Variants in FAM193A observed in about 807,000 individuals in gnomAD.
FAM193A encodes the protein family with sequence similarity 193 member A, also known as protein FAM193A.
Under a neutral mutation model 126.5 loss-of-function variants are expected in FAM193A, and 22 were observed. The observed-to-expected ratio is 0.17, with a 90% CI of 0.12 to 0.25. FAM193A has a LOEUF of 0.25. Ranked by LOEUF, FAM193A falls within the 10% of genes least tolerant of loss-of-function variation. The pLI, the probability that FAM193A is intolerant of heterozygous loss-of-function variation, is 1.00. For missense variants in FAM193A, 1,675 were observed against 1,672.8 expected, an observed-to-expected ratio of 1.00 and a Z score of -0.02; for synonymous variants, 761 against 646.8, an observed-to-expected ratio of 1.18 and a Z score of -2.68.
intron 2 of FAM193A, among the ~76,000 whole-genome samples, chr4:2,622,812 A>G (rs1424181480): frequency 6.6e-6 from 1 of 152,070 alleles, no homozygotes; most frequent in Non-Finnish European, 1.5e-5. Flanking sequence ...CTCCGACCTC[A>G]TGACCTAATC....
At chr4:2,638,053 A>G (rs890611149) in intron 5 of FAM193A, among the ~76,000 whole-genome samples, 2 of 152,230 alleles carry the variant, frequency 1.3e-5, no homozygotes, top group African/African-American at 2.4e-5. Context: ...GATTCCACTC[A>G]TAGACAGGCA....
chr4:2,726,520 C>A (rs1720765306), intron 20 of FAM193A, among the ~76,000 whole-genome samples: 1 of 152,114 alleles, frequency 6.6e-6, no homozygotes, highest in South Asian at 2.1e-4. Context: ...GGTCCCGGTA[C>A]TGGCAGTTTG....
rs184976120 is a variant in FAM193A at position 2,540,541 on chromosome 4, C to T, written c.255+3371C>T. ...GGGCGCCCTGTAGTCCCAGCTACTC[C>T]GGAGGCTGAGGCAGGAGAATGGCAT... On this transcript the variant is annotated intron_variant, in intron 1 of 20. Coordinates refer to ENST00000637812, the MANE Select transcript of FAM193A (RefSeq NM_001366318.2). Among the ~76,000 whole-genome samples the T allele has an allele frequency of 7.9e-5, 12 of 151,652 alleles. No homozygotes were observed. In the South Asian group the frequency reaches 8.4e-4, roughly 11 times the overall value.
At chr4:2,713,336 G>A (rs532333370) in intron 19 of FAM193A, among the ~76,000 whole-genome samples, 1 of 152,122 alleles carries the variant, frequency 6.6e-6, no homozygotes, top group African/African-American at 2.4e-5. Flanking sequence ...AACCCAGGAG[G>A]TGGAGGTTGC....
At chr4:2,539,329 T>C (rs1004030678) in intron 1 of FAM193A, among the ~76,000 whole-genome samples, 1 of 152,296 alleles carries the variant, frequency 6.6e-6, no homozygotes, top group Admixed American at 6.5e-5. Context: ...TTAGTTTTAC[T>C]AATTACTAAG....
intron 1 of FAM193A, among the ~76,000 whole-genome samples, chr4:2,568,727 T>A (rs1022279798): frequency 3.9e-5 from 6 of 151,972 alleles, no homozygotes; most frequent in Non-Finnish European, 8.8e-5. Context: ...AAAGGAGGAG[T>A]GATTATTTGG....
chr4:2,651,597 A>G (rs968437257), intron 7 of FAM193A, among the ~76,000 whole-genome samples: 12 of 152,120 alleles, frequency 7.9e-5, no homozygotes, highest in Non-Finnish European at 1.3e-4. Context: ...CCATGATCCC[A>G]TCACCTCCCA....
intron 8 of FAM193A, among the ~76,000 whole-genome samples, chr4:2,658,398 C>G (rs1711973361): frequency 6.6e-6 from 1 of 152,134 alleles, no homozygotes; most frequent in Non-Finnish European, 1.5e-5. Flanking sequence ...CTCCTCCAGG[C>G]AGGCTTGTGC....
chr4:2,650,554 G>T (rs1360400866), intron 7 of FAM193A, among the ~76,000 whole-genome samples: 2 of 152,200 alleles, frequency 1.3e-5, no homozygotes, highest in East Asian at 3.9e-4. Context: ...GGAGCTCAGG[G>T]CTCTGAAGCC....
chr4:2,659,740 AC>A, intron 9 of FAM193A, 70 bp downstream of exon 9: 1 of 1,613,346 alleles, frequency 6.2e-7, no homozygotes, highest in African/African-American at 1.3e-5. Flanking sequence ...GAGGCCTAGA[AC>A]CGACCCTTAG....
chr4:2,569,066 T>C (rs1312964179), intron 1 of FAM193A, among the ~76,000 whole-genome samples: 9 of 142,374 alleles, frequency 6.3e-5, no homozygotes, highest in African/African-American at 2.3e-4. Flanking sequence ...GCCTCCTGGG[T>C]TCAAGCGATT....
chr4:2,615,506 TTTTTA>T (rs1005688395), intron 2 of FAM193A, among the ~76,000 whole-genome samples: 11 of 152,170 alleles, frequency 7.2e-5, no homozygotes, highest in Admixed American at 2.6e-4. Context: ...CAGAAGTATG[TTTTTA>T]TTTTATTTTA....
At chr4:2,703,187 A>T (rs1434812599) in intron 19 of FAM193A, among the ~76,000 whole-genome samples, 1 of 152,098 alleles carries the variant, frequency 6.6e-6, no homozygotes, top group Non-Finnish European at 1.5e-5. Context: ...GTGTACGATG[A>T]TTTCTGCAGT....
At chr4:2,615,172 T>A (rs983999996) in intron 2 of FAM193A, 7 of 152,416 alleles carry the variant, frequency 4.6e-5, no homozygotes, top group Non-Finnish European at 7.3e-5. Flanking sequence ...AACAAAGAAA[T>A]CTGTACTGGT....
At chr4:2,705,971 C>G (rs998625250) in intron 19 of FAM193A, among the ~76,000 whole-genome samples, 1 of 152,100 alleles carries the variant, frequency 6.6e-6, no homozygotes, top group Non-Finnish European at 1.5e-5. Context: ...TTTGGGAGGC[C>G]AAAGCAGGAG....
intron 1 of FAM193A, among the ~76,000 whole-genome samples, chr4:2,593,414 C>G (rs1197178625): frequency 6.6e-6 from 1 of 152,228 alleles, no homozygotes; most frequent in African/African-American, 2.4e-5. Flanking sequence ...ACAGCCATGT[C>G]GGCTTCGGGG....
intron 6 of FAM193A, among the ~76,000 whole-genome samples, chr4:2,645,506 ATCTTTCTTTTTTTT>A (rs981616377): frequency 7.3e-5 from 11 of 150,844 alleles, no homozygotes. Flanking sequence ...CCATCTTGCC[ATCTTTCTTTTTTTT>A]TCTTTCTTTT....
chr4:2,709,232 C>T (rs1718653544), intron 19 of FAM193A, among the ~76,000 whole-genome samples: 1 of 152,086 alleles, frequency 6.6e-6, no homozygotes, highest in African/African-American at 2.4e-5. Context: ...TTGAACTGAA[C>T]TTGAATTCCT....
rs559824916 is a variant in FAM193A, at chr4:2,702,637, G to T, written c.4372+2093G>T. Among the ~76,000 whole-genome samples the T allele has an allele frequency of 2.0e-5, 3 of 152,258 alleles. No individual in the cohort carries two copies. In the South Asian group the frequency reaches 6.2e-4, roughly 32 times the overall value. Reference sequence around the variant, plus strand: ...GCCCCACTCCTGTGCTACAGTGAGCGTTCTCCCTTCCCCGTCCACCTTTGT... The same window carrying T: ...GCCCCACTCCTGTGCTACAGTGAGCTTTCTCCCTTCCCCGTCCACCTTTGT... On this transcript the variant is annotated intron_variant, in intron 19 of 20. Transcript: ENST00000637812.
Sources: gnomAD v4.1 joint callset for allele counts (sites outside exome capture counted in the v4.1 genomes callset) on GRCh38, gnomAD v4.1.1 for gene constraint, MANE v1.5 for transcripts, NCBI Gene and HGNC (gene_info 2026-07-23, HGNC 2026-07-21) for gene names.